PLB1: variants seen among roughly 807,000 people sequenced by gnomAD.
PLB1 encodes the protein phospholipase B1, membrane-associated.
PLB1 carries 242 observed loss-of-function variants against 227.4 expected under a neutral mutation model. That is an observed-to-expected ratio of 1.06 (90% CI 0.96 to 1.18). The LOEUF is 1.18. Ranked by LOEUF, PLB1 falls within the 50% of genes most tolerant of loss-of-function variation. The pLI, the probability that PLB1 is intolerant of heterozygous loss-of-function variation, is 0.00. For missense variants in PLB1, 1,858 were observed against 1,816.3 expected, an observed-to-expected ratio of 1.02 and a Z score of -0.42; for synonymous variants, 757 against 682.2, an observed-to-expected ratio of 1.11 and a Z score of -1.71.
intron 8 of PLB1, 70 bp from the exon 9 acceptor site, chr2:28,532,038 A>G (rs147291770): frequency 8.1e-7 from 1 of 1,227,320 alleles, no homozygotes; most frequent in East Asian, 2.4e-5. Context: ...AAAGACATGA[A>G]AACAAAGACA....
In PLB1 at chr2:28,588,250, G is replaced by A. The variant is rs116387123; in HGVS notation, c.1816-1200G>A. Among the ~76,000 whole-genome samples the A allele has an allele frequency of 2.6e-3, 403 of 152,254 alleles. 3 individuals carry two copies. The highest frequency in any genetic ancestry group is 9.4e-3 in the African/African-American group (392 of 41,530). On this transcript the variant is annotated intron_variant, in intron 26 of 57. Coordinates refer to ENST00000327757, the MANE Select transcript of PLB1 (RefSeq NM_153021.5). The stretch of plus-strand genomic sequence containing the variant: ...CTGTGAGCCCATCTGGCTATCCCCC[G>A]AGTAACCAGTAGCGTTGGAAGGGAC...
chr2:28,624,360 T>C (rs1032549222), intron 49 of PLB1, among the ~76,000 whole-genome samples: 2 of 152,198 alleles, frequency 1.3e-5, no homozygotes, highest in East Asian at 1.9e-4. Context: ...GATTTTGCGA[T>C]GCATCCATGT....
intron 36 of PLB1, among the ~76,000 whole-genome samples, 161 bp from the exon 37 acceptor site, chr2:28,601,091 T>TG (rs1683801321): frequency 6.6e-6 from 1 of 152,210 alleles, no homozygotes; most frequent in African/African-American, 2.4e-5. Context: ...TAAGAGTCTG[T>TG]GGTCTATAAA....
chr2:28,588,124 G>A (rs1558842404), intron 26 of PLB1, among the ~76,000 whole-genome samples: 1 of 152,092 alleles, frequency 6.6e-6, no homozygotes, highest in Non-Finnish European at 1.5e-5. Flanking sequence ...CCCTGGAGAT[G>A]ATCATTTCTA....
intron 26 of PLB1, among the ~76,000 whole-genome samples, chr2:28,588,378 C>T (rs995337688): frequency 1.3e-5 from 2 of 152,194 alleles, no homozygotes; most frequent in African/African-American, 4.8e-5. Context: ...CTTCCTTCCC[C>T]TCTTCTGAGA....
rs60393903 is a variant in PLB1 at position 28,562,540 on chromosome 2, C to CAAAAAA, written c.1148-487_1148-482dup. On this transcript the variant is annotated intron_variant, in intron 17 of 57. Transcript: ENST00000327757. The stretch of plus-strand genomic sequence containing the variant: ...CTGGAGACAGAGCAAGACTCTGTCT[C>CAAAAAA]AAAAAAAAAAAAAAAAAAAGTCAGT... Among the ~76,000 whole-genome samples the CAAAAAA allele has an allele frequency of 3.3e-4, 14 of 42,600 alleles. 3 individuals carry two copies. The highest frequency in any genetic ancestry group is 1.0e-3 in the African/African-American group (9 of 9,012). The allele number at this position is 42,600 out of a possible 152,430, so 27.9% of individuals were successfully genotyped here.
At chr2:28,534,790 G>A (rs1671461757) in intron 9 of PLB1, among the ~76,000 whole-genome samples, 1 of 152,046 alleles carries the variant, frequency 6.6e-6, no homozygotes, top group Non-Finnish European at 1.5e-5. Flanking sequence ...GGAGACAGAG[G>A]TTGCAGTGAG....
intron 43 of PLB1, among the ~76,000 whole-genome samples, chr2:28,607,414 C>T (rs1038996187): frequency 1.3e-5 from 2 of 152,138 alleles, no homozygotes; most frequent in African/African-American, 4.8e-5. Context: ...TGTTCACATG[C>T]CTGCTCCCTG....
intron 1 of PLB1, among the ~76,000 whole-genome samples, chr2:28,510,256 G>A (rs976681363): frequency 1.3e-5 from 2 of 152,154 alleles, no homozygotes; most frequent in Non-Finnish European, 2.9e-5. Context: ...CACCTTATAG[G>A]TGAGGAAAGT....
intron 8 of PLB1, among the ~76,000 whole-genome samples, 195 bp from the exon 9 acceptor site, chr2:28,531,913 A>C (rs1572792744): frequency 6.6e-6 from 1 of 152,162 alleles, no homozygotes; most frequent in Non-Finnish European, 1.5e-5. Context: ...TTAAAAAAAA[A>C]GTTTTGGATA....
intron 14 of PLB1, 128 bp from the exon 15 acceptor site, chr2:28,548,732 C>T: frequency 1.2e-6 from 1 of 849,344 alleles, no homozygotes; most frequent in Non-Finnish European, 1.9e-6. Flanking sequence ...GGGATGGGGG[C>T]TGGACACGTG....
At chr2:28,587,798 G>A (rs1302838639) in intron 26 of PLB1, among the ~76,000 whole-genome samples, 3 of 152,196 alleles carry the variant, frequency 2.0e-5, no homozygotes, top group East Asian at 1.9e-4. Flanking sequence ...TGCAAGAGCG[G>A]TTAGGAAAGC....
In PLB1 at chr2:28,606,578, A is replaced by AG. The variant is rs775909282; in HGVS notation, c.3129+13dup. 14 of 1,613,396 alleles carry AG rather than the reference A, an allele frequency of 8.7e-6. No individual in the cohort carries two copies. The highest frequency in any genetic ancestry group is 1.2e-5 in the Non-Finnish European group (14 of 1,179,346). On this transcript the variant is annotated intron_variant, in intron 43 of 57. Transcript: ENST00000327757. ...ACCTGTCCCACTCAGGTAGTAGGGGAGGACCTGCCTGGCTCCTCTCCACAA... is the reference window on the plus strand; with the variant it reads ...ACCTGTCCCACTCAGGTAGTAGGGGAGGGACCTGCCTGGCTCCTCTCCACAA...
At chr2:28,598,111 C>A in intron 34 of PLB1, 63 bp downstream of exon 34, 1 of 1,405,432 alleles carries the variant, frequency 7.1e-7, no homozygotes, top group Non-Finnish European at 9.8e-7. Flanking sequence ...CTTGGCTTCC[C>A]GAAAGTGCCT....
chr2:28,541,387 C>G (rs1672461270), intron 12 of PLB1, among the ~76,000 whole-genome samples: 1 of 152,198 alleles, frequency 6.6e-6, no homozygotes, highest in African/African-American at 2.4e-5. Flanking sequence ...GCACCTGACT[C>G]TACTGAACTT....
At chr2:28,565,109 A>G (rs1676659905) in intron 18 of PLB1, among the ~76,000 whole-genome samples, 171 bp from the exon 19 acceptor site, 1 of 152,194 alleles carries the variant, frequency 6.6e-6, no homozygotes, top group South Asian at 2.1e-4. Flanking sequence ...ACTCTCACTC[A>G]TCTCTGAAAA....
At chr2:28,521,281 A>G (rs2148181255) in intron 4 of PLB1, among the ~76,000 whole-genome samples, 1 of 152,314 alleles carries the variant, frequency 6.6e-6, no homozygotes. Context: ...TTTCTTTTGG[A>G]TATATACACC....
chr2:28,523,646 C>T (rs1232414499), intron 4 of PLB1, among the ~76,000 whole-genome samples: 1 of 152,124 alleles, frequency 6.6e-6, no homozygotes, highest in Admixed American at 6.5e-5. Context: ...TTATTCTCTC[C>T]TCTTTCCTCC....
chr2:28,560,326 C>T lies in PLB1; in HGVS notation c.1148-2715C>T, dbSNP rs191429809. Among the ~76,000 whole-genome samples, 48 of 152,250 alleles carry T rather than the reference C, an allele frequency of 3.2e-4. 1 individual carries two copies. The highest frequency in any genetic ancestry group is 3.1e-3 in the East Asian group (16 of 5,184). Reference sequence around the variant, plus strand: ...GGTAATTGGGGGAGTGGGAGGTGAGCTTGTGACTTGAGAGACCAAGCTATA... The same window carrying T: ...GGTAATTGGGGGAGTGGGAGGTGAGTTTGTGACTTGAGAGACCAAGCTATA... On this transcript the variant is annotated intron_variant, in intron 17 of 57. Coordinates refer to ENST00000327757, the MANE Select transcript of PLB1 (RefSeq NM_153021.5).
Sources: allele counts gnomAD v4.1 joint callset (sites outside exome capture counted in the v4.1 genomes callset), GRCh38; gene constraint gnomAD v4.1.1; transcripts MANE v1.5; gene names NCBI Gene and HGNC (gene_info 2026-07-23, HGNC 2026-07-21).